Variants in ATP6V0A2 observed in about 807,000 individuals in gnomAD.
ATP6V0A2 encodes V-type proton ATPase 116 kDa subunit a 2.
ATP6V0A2 carries 58 observed loss-of-function variants against 104.4 expected under a neutral mutation model. The ratio of observed to expected loss-of-function variants is 0.56; its 90% CI spans 0.45 to 0.69. ATP6V0A2 has a LOEUF of 0.69. ATP6V0A2 is among the 30% of genes least tolerant of loss of function. The pLI, the probability that ATP6V0A2 is intolerant of heterozygous loss-of-function variation, is 0.00. For synonymous variants in ATP6V0A2, 376 were observed against 397.9 expected (o/e 0.95, Z 0.65); for missense variants, 938 against 1,062.9 (o/e 0.88, Z 1.63).
chr12:123,730,394 C>T (rs963014671), intron 6 of ATP6V0A2, among the ~76,000 whole-genome samples: 3 of 152,042 alleles, frequency 2.0e-5, no homozygotes, highest in African/African-American at 7.2e-5. Context: ...GGTGATCCAC[C>T]CACCTCGGCC....
intron 7 of ATP6V0A2, among the ~76,000 whole-genome samples, chr12:123,734,466 A>C (rs989357534): frequency 3.3e-5 from 5 of 152,068 alleles, no homozygotes; most frequent in African/African-American, 1.2e-4. Flanking sequence ...GTCTCACTGG[A>C]CTCACTTGGA....
intron 8 of ATP6V0A2, among the ~76,000 whole-genome samples, chr12:123,736,725 C>G (rs1956557642): frequency 6.6e-6 from 1 of 152,240 alleles, no homozygotes; most frequent in Non-Finnish European, 1.5e-5. Flanking sequence ...TGGGTAGGAA[C>G]CCAGGGAGCT....
At chr12:123,718,076 C>T (rs1014193993) in intron 1 of ATP6V0A2, among the ~76,000 whole-genome samples, 8 of 143,892 alleles carry the variant, frequency 5.6e-5, no homozygotes, top group Non-Finnish European at 3.0e-5. Flanking sequence ...TTAGGTGCGC[C>T]ACCATGCCTG....
rs1157815552 is a variant in ATP6V0A2 at position 123,715,037 on chromosome 12, G to A, written c.117+2355G>A. Among the ~76,000 whole-genome samples the A allele has an allele frequency of 9.9e-5, 15 of 152,246 alleles. No individual in the cohort carries two copies. In the South Asian group the frequency reaches 1.0e-3, roughly 11 times the overall value. On this transcript the variant is annotated intron_variant, in intron 1 of 19. Transcript: ENST00000330342. The stretch of plus-strand genomic sequence containing the variant: ...GCAGAGGTTGCAGTGAGCTGAGATC[G>A]CGCCACTGCACTCCAGCCTGGCAAC...
intron 13 of ATP6V0A2, among the ~76,000 whole-genome samples, chr12:123,747,016 G>C (rs915899601): frequency 6.6e-6 from 1 of 152,148 alleles, no homozygotes; most frequent in African/African-American, 2.4e-5. Flanking sequence ...TTTTCAGACA[G>C]TAAGAGAAGC....
At chr12:123,743,593 C>T (rs1454249151) in intron 9 of ATP6V0A2, among the ~76,000 whole-genome samples, 192 bp from the exon 10 acceptor site, 2 of 151,764 alleles carry the variant, frequency 1.3e-5, no homozygotes, top group Non-Finnish European at 2.9e-5. Context: ...GCAGAGGTTG[C>T]GGTGAGCCGA....
In ATP6V0A2 at chr12:123,727,891, C is replaced by G; in HGVS notation, c.630C>G (p.Ser210=). ...TIVSYAELDE[S]LEDPETGEVI... ...TGTCCTATGCAGAACTGGATGAATC[C>G]CTTGAAGACCCTGAAACAGTGAGTA... The change falls in exon 6 of 20, where the codon TCC becomes TCG. Residue 210 remains serine, a synonymous_variant. Transcript: ENST00000330342. 6.2e-7 allele frequency: 1 copy of G among 1,614,128 alleles called. No homozygotes were observed. Among genetic ancestry groups the G allele is most frequent in the Non-Finnish European group, 8.5e-7 (1 of 1,180,022 alleles).
intron 17 of ATP6V0A2, among the ~76,000 whole-genome samples, chr12:123,752,746 T>G (rs1466230557): frequency 6.6e-6 from 1 of 152,188 alleles, no homozygotes; most frequent in African/African-American, 2.4e-5. Context: ...AGAGACCCAG[T>G]TTTTTCTGAT....
intron 19 of ATP6V0A2, among the ~76,000 whole-genome samples, chr12:123,757,418 G>A (rs1340987147): frequency 1.2e-5 from 1 of 80,154 alleles, no homozygotes; most frequent in East Asian, 1.9e-3. Context: ...TCCAGCCTGG[G>A]GGACGAGCGA....
intron 9 of ATP6V0A2, chr12:123,737,646 A>G (rs1288557673): frequency 6.5e-6 from 2 of 307,770 alleles, no homozygotes; most frequent in Non-Finnish European, 1.3e-5. Flanking sequence ...TAATTCATTC[A>G]CATGGTGTAA....
Position 123,744,138 on chromosome 12 carries a change from T to A in ATP6V0A2, c.1190-63T>A. 3 of 1,604,430 alleles carry A rather than the reference T, an allele frequency of 1.9e-6. No individual in the cohort carries two copies. Among genetic ancestry groups the A allele is most frequent in the Non-Finnish European group, 2.6e-6 (3 of 1,171,646 alleles). On this transcript the variant is annotated intron_variant, in intron 10 of 19. Transcript: ENST00000330342. The surrounding 1 kb of genome is among the most constrained non-coding windows in gnomAD (Gnocchi z 5.4). The stretch of plus-strand genomic sequence containing the variant: ...CAAGATTGTTATGTATCATTGTGTT[T>A]GAATGAACTCAGGTTTTCCATATTT...
rs896802934 is a variant in ATP6V0A2 at position 123,747,847 on chromosome 12, A to G, written c.1724+122A>G. ...GCAGCCAATATGATGTTGTATTTAC[A>G]TGATTCTGTTGAAGTTATTTAGATT... On this transcript the variant is annotated intron_variant, in intron 14 of 19. Coordinates refer to ENST00000330342, the MANE Select transcript of ATP6V0A2 (RefSeq NM_012463.4). 7 of 685,572 alleles carry G rather than the reference A, an allele frequency of 1.0e-5. No individual in the cohort carries two copies. The East Asian group carries it at 1.6e-4, about 15-fold the overall frequency. The allele number at this position is 685,572 out of a possible 1,614,324, so 42.5% of individuals were successfully genotyped here. A position where few individuals can be genotyped will look rare whatever the true frequency, so the allele number is the denominator to read the frequency against.
intron 17 of ATP6V0A2, among the ~76,000 whole-genome samples, chr12:123,753,560 C>T (rs1956736346): frequency 6.6e-6 from 1 of 152,246 alleles, no homozygotes; most frequent in South Asian, 2.1e-4. Context: ...ACCTCCTGAC[C>T]TCACTCAACC....
intron 14 of ATP6V0A2, 127 bp from the exon 15 acceptor site, chr12:123,748,448 A>G: frequency 1.3e-6 from 1 of 789,644 alleles, no homozygotes; most frequent in Non-Finnish European, 2.2e-6. Flanking sequence ...ATGTATCTGG[A>G]TTCATCATAT....
chr12:123,730,690 C>T (rs1367015881), intron 6 of ATP6V0A2: 1 of 151,986 alleles, frequency 6.6e-6, no homozygotes, highest in African/African-American at 2.4e-5. Context: ...TGAGTTTTTT[C>T]TTTATTAAGA....
chr12:123,741,810 T>C (rs955286726), intron 9 of ATP6V0A2, among the ~76,000 whole-genome samples: 4 of 152,120 alleles, frequency 2.6e-5, no homozygotes, highest in Non-Finnish European at 5.9e-5. Context: ...TAAATGTATA[T>C]TTACATGAAA....
At chr12:123,728,778 C>A (rs530316532) in intron 6 of ATP6V0A2, among the ~76,000 whole-genome samples, 1 of 152,348 alleles carries the variant, frequency 6.6e-6, no homozygotes, top group African/African-American at 2.4e-5. Context: ...TGCTCCATTA[C>A]TGGTCGTGGT....
intron 7 of ATP6V0A2, 89 bp from the exon 8 acceptor site, chr12:123,735,442 C>G: frequency 1.6e-6 from 2 of 1,266,356 alleles, no homozygotes; most frequent in South Asian, 2.4e-5. Flanking sequence ...TGCTTTCATT[C>G]CGTTTTGCCA....
rs1956745060 is a variant in ATP6V0A2 at position 123,754,499 on chromosome 12, C to T, written c.2255C>T (p.Ser752Phe). ...YCLGCISNTA[S>F]YLRLWALSLA... is the part of the protein sequence containing the mutation. Reference sequence around the variant, plus strand: ...CTGGGATGCATCTCCAACACCGCCTCCTACCTGAGGCTCTGGGCGCTTAGC... The same window carrying T: ...CTGGGATGCATCTCCAACACCGCCTTCTACCTGAGGCTCTGGGCGCTTAGC... The change falls in exon 18 of 20, where the codon TCC (serine) becomes TTC (phenylalanine). Residue 752 changes from serine (S) to phenylalanine (F), a missense_variant. By Grantham distance (155) the Ser-to-Phe change is radical. Coordinates refer to ENST00000330342, the MANE Select transcript of ATP6V0A2 (RefSeq NM_012463.4). 6.2e-6 allele frequency: 10 copies of T among 1,614,182 alleles called. No homozygotes were observed. The highest frequency in any genetic ancestry group is 8.5e-6 in the Non-Finnish European group (10 of 1,180,028).
Sources: gnomAD v4.1 joint callset for allele counts (sites outside exome capture counted in the v4.1 genomes callset) on GRCh38, gnomAD v4.1.1 for gene constraint, Gnocchi (gnomAD v3.1) non-coding constraint, MANE v1.5 for transcripts, NCBI Gene and HGNC (gene_info 2026-07-23, HGNC 2026-07-21) for gene names.